The following MSI2 variants were observed in gnomAD, a reference collection of about 807,000 sequenced individuals.
The protein encoded by MSI2 is musashi RNA binding protein 2, also known as RNA-binding protein Musashi homolog 2.
Under a neutral mutation model 45.6 loss-of-function variants are expected in MSI2, and 17 were observed. The observed-to-expected ratio is 0.37, with a 90% CI of 0.26 to 0.56. MSI2 has a LOEUF of 0.56. Among genes scored for constraint, MSI2 ranks in the 20% least tolerant of loss-of-function variants. The pLI is 0.77. For missense variants in MSI2, 293 were observed against 444.2 expected, an observed-to-expected ratio of 0.66 and a Z score of 3.06; for synonymous variants, 156 against 158.2, an observed-to-expected ratio of 0.99 and a Z score of 0.11.
chr17:57,533,336 C>T (rs1006431424), intron 7 of MSI2, among the ~76,000 whole-genome samples: 1 of 152,218 alleles, frequency 6.6e-6, no homozygotes, highest in African/African-American at 2.4e-5. Context: ...GTCTTTGACT[C>T]ACAGTGGGTG....
At chr17:57,416,827 G>A (rs1234829228) in intron 6 of MSI2, among the ~76,000 whole-genome samples, 1 of 152,200 alleles carries the variant, frequency 6.6e-6, no homozygotes, top group African/African-American at 2.4e-5. Flanking sequence ...TGGAGGGGGA[G>A]GAAGAAGGTC....
At chr17:57,438,320 C>T (rs1008687223) in intron 6 of MSI2, among the ~76,000 whole-genome samples, 4 of 152,114 alleles carry the variant, frequency 2.6e-5, no homozygotes, top group Admixed American at 6.5e-5. Flanking sequence ...AGTTCAGTAA[C>T]GGGTACCATT....
At chr17:57,477,654 T>G (rs2085567619) in intron 6 of MSI2, among the ~76,000 whole-genome samples, 1 of 152,148 alleles carries the variant, frequency 6.6e-6, no homozygotes. Context: ...TGATGCAAAA[T>G]GCACCCAAGG....
intron 7 of MSI2, among the ~76,000 whole-genome samples, chr17:57,562,264 G>A (rs982691989): frequency 1.2e-4 from 18 of 152,198 alleles, no homozygotes; most frequent in Non-Finnish European, 2.5e-4. Flanking sequence ...ATCTCAAGAT[G>A]TTCAGAAATG....
chr17:57,311,912 A>G (rs1407648674), intron 5 of MSI2, among the ~76,000 whole-genome samples: 1 of 152,178 alleles, frequency 6.6e-6, no homozygotes, highest in Non-Finnish European at 1.5e-5. Context: ...TGCCCAGGCT[A>G]GTCTGGAACT....
intron 6 of MSI2, among the ~76,000 whole-genome samples, chr17:57,518,671 T>C (rs942250238): frequency 5.3e-5 from 8 of 152,166 alleles, no homozygotes; most frequent in African/African-American, 1.9e-4. Flanking sequence ...GCCTTTTTCA[T>C]GGTAGGTGAG....
chr17:57,517,449 G>T (rs2086492792), intron 6 of MSI2, among the ~76,000 whole-genome samples: 1 of 152,230 alleles, frequency 6.6e-6, no homozygotes, highest in African/African-American at 2.4e-5. Flanking sequence ...AAGTGCTACT[G>T]CTGCTGAATT....
rs1007879147 is a variant in MSI2 at position 57,656,033 on chromosome 17, C to T, written c.790+3872C>T. ...GCACCGTAGTAGATGTACTGGTAGC[C>T]GTAGCTGTAGTTGTAGTACATGCAT... On this transcript the variant is annotated intron_variant, in intron 11 of 13. Coordinates refer to ENST00000284073, the MANE Select transcript of MSI2 (RefSeq NM_138962.4). Among the ~76,000 whole-genome samples, 4 of 152,148 alleles carry T rather than the reference C, an allele frequency of 2.6e-5. No individual in the cohort carries two copies. In the East Asian group the frequency reaches 5.8e-4, roughly 22 times the overall value.
intron 10 of MSI2, among the ~76,000 whole-genome samples, chr17:57,651,454 C>T (rs1260679489): frequency 1.3e-5 from 2 of 152,154 alleles, no homozygotes; most frequent in African/African-American, 4.8e-5. Context: ...CCCGCACTCC[C>T]TTCCCTATCT....
intron 6 of MSI2, among the ~76,000 whole-genome samples, chr17:57,461,533 ATTT>A (rs34312371): frequency 1.2e-3 from 167 of 136,162 alleles, no homozygotes; most frequent in Non-Finnish European, 1.7e-3. Flanking sequence ...CAACTCTTGG[ATTT>A]TTTTTTTTTT....
intron 5 of MSI2, 21 bp from the exon 6 acceptor site, chr17:57,401,358 T>C (rs780552475): frequency 6.2e-7 from 1 of 1,607,206 alleles, no homozygotes; most frequent in South Asian, 1.1e-5. Flanking sequence ...ACCCATGCCT[T>C]TCTCTTGTCA....
intron 4 of MSI2, 29 bp from the exon 5 acceptor site, chr17:57,262,122 G>T: frequency 6.2e-7 from 1 of 1,612,964 alleles, no homozygotes; most frequent in South Asian, 1.1e-5. Context: ...GTACTTTATT[G>T]ACTCCTGCTT....
chr17:57,361,623 A>G (rs550071451), intron 5 of MSI2, among the ~76,000 whole-genome samples: 6,185 of 151,196 alleles, frequency 0.041, 175 homozygotes, highest in Non-Finnish European at 0.064. Context: ...AAAAAAAAAA[A>G]GGAAAATCAT....
intron 6 of MSI2, among the ~76,000 whole-genome samples, chr17:57,489,685 T>G (rs1361233151): frequency 6.6e-6 from 1 of 152,228 alleles, no homozygotes; most frequent in Non-Finnish European, 1.5e-5. Context: ...CCCTGGCACA[T>G]GCAGCTCTTT....
chr17:57,312,846 C>T (rs1328461683), intron 5 of MSI2, among the ~76,000 whole-genome samples: 1 of 151,990 alleles, frequency 6.6e-6, no homozygotes, highest in Non-Finnish European at 1.5e-5. Flanking sequence ...TTGCAAAGGT[C>T]GACATTGGAT....
At chr17:57,299,868 A>G (rs750971746) in intron 5 of MSI2, among the ~76,000 whole-genome samples, 1 of 152,230 alleles carries the variant, frequency 6.6e-6, no homozygotes, top group Non-Finnish European at 1.5e-5. Flanking sequence ...GCAAGGCACA[A>G]TGAAATGAGG....
chr17:57,310,147 G>A (rs1665826929), intron 5 of MSI2, among the ~76,000 whole-genome samples: 1 of 152,216 alleles, frequency 6.6e-6, no homozygotes, highest in Non-Finnish European at 1.5e-5. Flanking sequence ...CTGGACCTGT[G>A]TTCTGCTTCT....
chr17:57,590,410 ATCT>A (rs772732241), intron 7 of MSI2, among the ~76,000 whole-genome samples: 13 of 151,970 alleles, frequency 8.6e-5, no homozygotes, highest in Non-Finnish European at 1.9e-4. Context: ...TCAGATTTCG[ATCT>A]TCTTCTTCTG....
At chr17:57,539,765 A>C (rs1010318280) in intron 7 of MSI2, among the ~76,000 whole-genome samples, 1 of 152,160 alleles carries the variant, frequency 6.6e-6, no homozygotes, top group Non-Finnish European at 1.5e-5. Context: ...GGTTTGCGCC[A>C]GTTCATCCAA....
Sources: gnomAD v4.1 joint callset for allele counts (sites outside exome capture counted in the v4.1 genomes callset) on GRCh38, gnomAD v4.1.1 for gene constraint, MANE v1.5 for transcripts, NCBI Gene and HGNC (gene_info 2026-07-23, HGNC 2026-07-21) for gene names.